Variants in SGCZ observed in about 807,000 individuals in gnomAD.
SGCZ encodes the protein zeta-sarcoglycan.
Under a neutral mutation model 41.3 loss-of-function variants are expected in SGCZ, and 40 were observed. The ratio of observed to expected loss-of-function variants is 0.97; its 90% CI spans 0.75 to 1.26. The LOEUF is 1.26. SGCZ is among the 50% of genes most tolerant of loss of function. SGCZ has a pLI of 0.00. For missense variants in SGCZ, 552 were observed against 369.8 expected, an observed-to-expected ratio of 1.49 and a Z score of -4.04; for synonymous variants, 206 against 137.5, an observed-to-expected ratio of 1.50 and a Z score of -3.49.
In SGCZ at chr8:14,679,052, G is replaced by A. The variant is rs112156915; in HGVS notation, c.40-124126C>T. On this transcript the variant is annotated intron_variant, in intron 1 of 7. Transcript: ENST00000382080. ...ATAATGAAGCTCAAAAATTCCTATC[G>A]TCTAGTGATGTCATACTGTCGTAAA... 7.2e-3 allele frequency among the ~76,000 whole-genome samples: 1,100 copies of A among 152,088 alleles called. 11 individuals are homozygous for A. Among genetic ancestry groups the A allele is most frequent in the Middle Eastern group, 0.02 (6 of 294 alleles).
rs146356220 is a variant in SGCZ at position 14,563,923 on chromosome 8, C to T, written c.40-8997G>A. Among the ~76,000 whole-genome samples, 1,290 of 152,054 alleles carry T rather than the reference C, an allele frequency of 8.5e-3. 17 individuals carry two copies. The highest frequency in any genetic ancestry group is 0.03 in the African/African-American group (1,230 of 41,484). ...ATTTAACAATTTATAATATTACTCA[C>T]GTAAACCCTGAATATAATGAGGAGA... On this transcript the variant is annotated intron_variant, in intron 1 of 7. Coordinates refer to ENST00000382080, the MANE Select transcript of SGCZ (RefSeq NM_139167.4).
At position 14,767,990 on chromosome 8, in the gene SGCZ, C is replaced by T. The variant is rs79199223; in HGVS notation, c.40-213064G>A. 7.1e-3 allele frequency among the ~76,000 whole-genome samples: 1,077 copies of T among 152,290 alleles called. 2 individuals are homozygous for T. The highest frequency in any genetic ancestry group is 0.02 in the Middle Eastern group (6 of 294). On this transcript the variant is annotated intron_variant, in intron 1 of 7. Transcript: ENST00000382080. The stretch of plus-strand genomic sequence containing the variant: ...ATCCAAATAGTGGGATCCCAGTCCT[C>T]CATGTAATATGCCGAGTAGCCTTCT...
At chr8:14,868,128 T>C (rs773714029) in intron 1 of SGCZ, among the ~76,000 whole-genome samples, 6 of 152,162 alleles carry the variant, frequency 3.9e-5, no homozygotes, top group Non-Finnish European at 7.4e-5. Context: ...TCTCATGACC[T>C]GGAAATCAGA....
chr8:14,093,138 G>A (rs1563121263), intron 7 of SGCZ, among the ~76,000 whole-genome samples: 1 of 152,034 alleles, frequency 6.6e-6, no homozygotes. Flanking sequence ...ATGATTGTCT[G>A]AAGGGTATCC....
At chr8:14,308,929 G>C (rs1326678161) in intron 3 of SGCZ, 5 of 538,290 alleles carry the variant, frequency 9.3e-6, no homozygotes, top group Non-Finnish European at 1.0e-5. Flanking sequence ...AAATCCAGTA[G>C]ACTAACAAAG....
At chr8:14,892,330 C>A (rs1038566376) in intron 1 of SGCZ, among the ~76,000 whole-genome samples, 1 of 152,078 alleles carries the variant, frequency 6.6e-6, no homozygotes, top group Non-Finnish European at 1.5e-5. Flanking sequence ...TCCTGTCACT[C>A]AAAAGCGTGA....
At chr8:14,458,387 G>A (rs764565484) in intron 2 of SGCZ, among the ~76,000 whole-genome samples, 1 of 152,132 alleles carries the variant, frequency 6.6e-6, no homozygotes, top group Non-Finnish European at 1.5e-5. Context: ...ACTCCAGTAA[G>A]TAAAGTTGTT....
At chr8:14,678,662 T>C (rs974757418) in intron 1 of SGCZ, among the ~76,000 whole-genome samples, 26 of 152,348 alleles carry the variant, frequency 1.7e-4, no homozygotes, top group African/African-American at 6.3e-4. Context: ...GCTTATCCTA[T>C]GATCCAGCAA....
intron 1 of SGCZ, among the ~76,000 whole-genome samples, chr8:14,997,686 G>A (rs1335466753): frequency 6.6e-6 from 1 of 152,174 alleles, no homozygotes; most frequent in Non-Finnish European, 1.5e-5. Context: ...CTGGCAGGGT[G>A]CAGTGGCTCA....
At chr8:15,007,298 G>C (rs1802640445) in intron 1 of SGCZ, among the ~76,000 whole-genome samples, 1 of 152,266 alleles carries the variant, frequency 6.6e-6, no homozygotes, top group South Asian at 2.1e-4. Context: ...CAAAAAGATT[G>C]CACAAAATAC....
chr8:15,203,969 T>C (rs1402801450), intron 1 of SGCZ, among the ~76,000 whole-genome samples: 5 of 152,244 alleles, frequency 3.3e-5, no homozygotes, highest in African/African-American at 1.2e-4. Context: ...ACTACGTTTA[T>C]GTAAGAAACA....
At chr8:14,202,847 T>C (rs1446646594) in intron 4 of SGCZ, among the ~76,000 whole-genome samples, 1 of 152,168 alleles carries the variant, frequency 6.6e-6, no homozygotes, top group Non-Finnish European at 1.5e-5. Flanking sequence ...TGGATATGGT[T>C]TGGCTGTGTC....
intron 1 of SGCZ, among the ~76,000 whole-genome samples, chr8:14,982,337 A>G (rs752293705): frequency 3.9e-5 from 6 of 152,214 alleles, no homozygotes; most frequent in African/African-American, 7.2e-5. Flanking sequence ...AGATTTCAAT[A>G]CTTGCTTTAT....
chr8:15,014,935 T>G (rs767925247), intron 1 of SGCZ, among the ~76,000 whole-genome samples: 29 of 152,170 alleles, frequency 1.9e-4, no homozygotes, highest in Non-Finnish European at 3.5e-4. Context: ...GGTCTTCTCA[T>G]TAGGGGCCTC....
chr8:15,026,478 G>C (rs148785908), intron 1 of SGCZ, among the ~76,000 whole-genome samples: 307 of 152,212 alleles, frequency 2.0e-3, no homozygotes, highest in African/African-American at 7.2e-3. Context: ...CAAAAAGTTT[G>C]CTCTTATGCA....
intron 2 of SGCZ, among the ~76,000 whole-genome samples, chr8:14,335,411 A>C (rs1213881543): frequency 6.6e-6 from 1 of 152,078 alleles, no homozygotes; most frequent in Non-Finnish European, 1.5e-5. Flanking sequence ...TAAAACATGA[A>C]GTCTTGCATC....
At chr8:15,129,214 T>C (rs1440083507) in intron 1 of SGCZ, among the ~76,000 whole-genome samples, 1 of 152,098 alleles carries the variant, frequency 6.6e-6, no homozygotes, top group East Asian at 1.9e-4. Flanking sequence ...TTGCCGGGAG[T>C]AGTTTTTGTC....
At chr8:14,438,469 A>G (rs1447258287) in intron 2 of SGCZ, among the ~76,000 whole-genome samples, 1 of 151,948 alleles carries the variant, frequency 6.6e-6, no homozygotes, top group Non-Finnish European at 1.5e-5. Context: ...TGCCTTACTA[A>G]CTGAAGAGTT....
chr8:14,095,542 C>G (rs545543393), intron 7 of SGCZ, among the ~76,000 whole-genome samples: 1 of 152,250 alleles, frequency 6.6e-6, no homozygotes, highest in East Asian at 1.9e-4. Context: ...AGCATGATGC[C>G]TGCAGCTTTG....
Sources: gnomAD v4.1 joint callset for allele counts (sites outside exome capture counted in the v4.1 genomes callset) on GRCh38, gnomAD v4.1.1 for gene constraint, MANE v1.5 for transcripts, NCBI Gene and HGNC (gene_info 2026-07-23, HGNC 2026-07-21) for gene names.